Variants in PHF14 observed in about 807,000 individuals in gnomAD.
PHF14 encodes the protein PHD finger protein 14.
Under a neutral mutation model 117.9 loss-of-function variants are expected in PHF14, and 55 were observed. The observed-to-expected ratio is 0.47, with a 90% CI of 0.38 to 0.58. PHF14 has a LOEUF of 0.58. Ranked by LOEUF, PHF14 falls within the 20% of genes least tolerant of loss-of-function variation. PHF14 has a pLI of 0.00. For missense variants in PHF14, 978 were observed against 1,122.2 expected (o/e 0.87, Z 1.84); for synonymous variants, 409 against 368.6 (o/e 1.11, Z -1.26).
intron 16 of PHF14, among the ~76,000 whole-genome samples, chr7:11,101,026 A>G (rs1361269374): frequency 6.6e-6 from 1 of 151,958 alleles, no homozygotes; most frequent in Non-Finnish European, 1.5e-5. Context: ...TGCATATGAA[A>G]TAAATACAAA....
chr7:11,039,138 C>T (rs1312798938), intron 11 of PHF14, among the ~76,000 whole-genome samples: 1 of 152,066 alleles, frequency 6.6e-6, no homozygotes, highest in Non-Finnish European at 1.5e-5. Flanking sequence ...AAGCTTAAGA[C>T]TTGAAGCATG....
intron 6 of PHF14, among the ~76,000 whole-genome samples, chr7:11,024,453 C>T (rs1276511724): frequency 6.6e-6 from 1 of 152,198 alleles, no homozygotes; most frequent in African/African-American, 2.4e-5. Context: ...AAGATGCCAT[C>T]TAGGACTTAC....
chr7:11,022,763 A>T (rs1471232101), intron 5 of PHF14, 105 bp from the exon 6 acceptor site: 5 of 524,204 alleles, frequency 9.5e-6, no homozygotes, highest in Non-Finnish European at 1.3e-5. Context: ...TGATTACAGA[A>T]TTCTCTTGGT....
At chr7:11,086,936 G>A (rs188521839) in intron 16 of PHF14, among the ~76,000 whole-genome samples, 184 of 152,056 alleles carry the variant, frequency 1.2e-3, no homozygotes, top group African/African-American at 4.1e-3. Context: ...AAATCTCTGC[G>A]TTATCTTTAA....
intron 7 of PHF14, among the ~76,000 whole-genome samples, chr7:11,035,337 C>G (rs183109449): frequency 1.3e-5 from 2 of 152,120 alleles, no homozygotes; most frequent in African/African-American, 2.4e-5. Flanking sequence ...ACCAGTCCCC[C>G]ATGGATATTG....
At chr7:11,136,015 G>C (rs1235236361) in intron 17 of PHF14, among the ~76,000 whole-genome samples, 1 of 152,064 alleles carries the variant, frequency 6.6e-6, no homozygotes, top group Non-Finnish European at 1.5e-5. Flanking sequence ...AGAAAATGTA[G>C]AAAAAAATTG....
chr7:11,029,867 T>C (rs976924166), intron 7 of PHF14, among the ~76,000 whole-genome samples: 23 of 152,246 alleles, frequency 1.5e-4, no homozygotes, highest in African/African-American at 5.3e-4. Flanking sequence ...TTTTTTCTTT[T>C]ATTGGGTAAA....
intron 16 of PHF14, among the ~76,000 whole-genome samples, chr7:11,076,748 G>C (rs1383999778): frequency 6.6e-6 from 1 of 151,026 alleles, no homozygotes; most frequent in Non-Finnish European, 1.5e-5. Flanking sequence ...TTGTATTTTT[G>C]GTAGAGATGG....
At chr7:10,999,328 A>G (rs1782773966) in intron 4 of PHF14, among the ~76,000 whole-genome samples, 1 of 152,158 alleles carries the variant, frequency 6.6e-6, no homozygotes, top group South Asian at 2.1e-4. Flanking sequence ...AGATATTTGA[A>G]TATATAGTTC....
chr7:10,979,349 A>G (rs374625547), intron 2 of PHF14, among the ~76,000 whole-genome samples: 3 of 152,236 alleles, frequency 2.0e-5, no homozygotes, highest in East Asian at 3.9e-4. Context: ...CTGTTAGTTG[A>G]AATAGCTGTT....
intron 16 of PHF14, among the ~76,000 whole-genome samples, chr7:11,094,292 T>G (rs866291320): frequency 3.3e-5 from 5 of 152,352 alleles, no homozygotes; most frequent in Middle Eastern, 3.4e-3. Flanking sequence ...AAAACCAGTT[T>G]CATTTGGTCA....
At chr7:11,105,537 AAT>A in intron 16 of PHF14, 1 of 980,100 alleles carries the variant, frequency 1.0e-6, no homozygotes, top group Non-Finnish European at 1.2e-6. Context: ...TTTTTAAAAA[AAT>A]TTAAAAATGG....
intron 4 of PHF14, among the ~76,000 whole-genome samples, chr7:11,005,816 C>T (rs1231617914): frequency 5.0e-5 from 5 of 99,716 alleles, no homozygotes; most frequent in Non-Finnish European, 9.0e-5. Flanking sequence ...TTTTTTGAGA[C>T]GGAGTCTCGT....
chr7:10,999,210 G>A (rs1196531407), intron 4 of PHF14, among the ~76,000 whole-genome samples: 2 of 152,192 alleles, frequency 1.3e-5, no homozygotes, highest in African/African-American at 2.4e-5. Flanking sequence ...AGCACAATCT[G>A]CTGGAGCTGA....
At chr7:11,087,305 C>T (rs772609193) in intron 16 of PHF14, among the ~76,000 whole-genome samples, 1 of 151,980 alleles carries the variant, frequency 6.6e-6, no homozygotes, top group Non-Finnish European at 1.5e-5. Context: ...GATTTTTCTG[C>T]CCCAGCCTCC....
intron 3 of PHF14, among the ~76,000 whole-genome samples, chr7:10,990,079 T>C (rs2128310092): frequency 6.6e-6 from 1 of 150,748 alleles, no homozygotes; most frequent in Non-Finnish European, 1.5e-5. Flanking sequence ...TGTATCTCTG[T>C]GTATTCATAT....
chr7:10,975,530 C>T (rs987704884), intron 2 of PHF14, among the ~76,000 whole-genome samples: 11 of 151,958 alleles, frequency 7.2e-5, no homozygotes, highest in East Asian at 3.9e-4. Flanking sequence ...TTTTAAAGGT[C>T]GTATATTCAC....
intron 17 of PHF14, among the ~76,000 whole-genome samples, chr7:11,152,297 T>A (rs1788724246): frequency 6.6e-6 from 1 of 152,114 alleles, no homozygotes; most frequent in African/African-American, 2.4e-5. Flanking sequence ...AGAGCTGAGT[T>A]TGGAATCCTA....
chr7:11,132,292 T>C (rs1296719354), intron 17 of PHF14, among the ~76,000 whole-genome samples: 2 of 137,578 alleles, frequency 1.5e-5, no homozygotes, highest in East Asian at 2.5e-4. Context: ...GTTCTGTCTG[T>C]ATAATTGAGA....
Sources: gnomAD v4.1 joint callset for allele counts (sites outside exome capture counted in the v4.1 genomes callset) on GRCh38, gnomAD v4.1.1 for gene constraint, MANE v1.5 for transcripts, NCBI Gene and HGNC (gene_info 2026-07-23, HGNC 2026-07-21) for gene names.